The following MELK variants were observed in gnomAD, a reference collection of about 807,000 sequenced individuals.
The protein encoded by MELK is pEg3 kinase.
MELK carries 81 observed loss-of-function variants against 85.0 expected under a neutral mutation model. That is an observed-to-expected ratio of 0.95 (90% CI 0.80 to 1.15). The LOEUF is 1.15. MELK is among the 50% of genes most tolerant of loss of function. MELK has a pLI of 0.00. For missense variants in MELK, 754 were observed against 777.5 expected (o/e 0.97, Z 0.36); for synonymous variants, 252 against 265.0 (o/e 0.95, Z 0.48).
intron 4 of MELK, among the ~76,000 whole-genome samples, chr9:36,590,769 T>C (rs879573504): frequency 2.0e-5 from 3 of 152,326 alleles, no homozygotes; most frequent in Admixed American, 1.3e-4. Flanking sequence ...AGCACTGTTT[T>C]AAAAGCATAT....
chr9:36,610,004 G>A (rs1027532702), intron 8 of MELK, among the ~76,000 whole-genome samples: 3 of 152,090 alleles, frequency 2.0e-5, no homozygotes, highest in Non-Finnish European at 4.4e-5. Flanking sequence ...GAGGAAGTGA[G>A]GTTTGAGCAG....
chr9:36,619,450 T>G (rs1827184540), intron 8 of MELK, among the ~76,000 whole-genome samples: 1 of 152,184 alleles, frequency 6.6e-6, no homozygotes, highest in Non-Finnish European at 1.5e-5. Context: ...CTGTAAACAT[T>G]GAGCCTTCTA....
chr9:36,645,590 G>A (rs1249268337), intron 11 of MELK, among the ~76,000 whole-genome samples: 1 of 152,026 alleles, frequency 6.6e-6, no homozygotes, highest in African/African-American at 2.4e-5. Context: ...TGAGTCCCAG[G>A]GATGAGTAGG....
intron 9 of MELK, 151 bp from the exon 10 acceptor site, chr9:36,632,951 T>G: frequency 3.2e-6 from 2 of 624,902 alleles, no homozygotes; most frequent in Non-Finnish European, 5.5e-6. Flanking sequence ...TTAAAAGAAT[T>G]TCTTCCAAGG....
intron 5 of MELK, 37 bp downstream of exon 5, chr9:36,594,808 G>A: frequency 6.3e-7 from 1 of 1,586,614 alleles, no homozygotes; most frequent in Non-Finnish European, 8.6e-7. Flanking sequence ...CTCACCTTCA[G>A]CGTCATTTAC....
At chr9:36,669,474 A>G in intron 15 of MELK, 68 bp downstream of exon 15, 1 of 1,084,570 alleles carries the variant, frequency 9.2e-7, no homozygotes, top group South Asian at 1.6e-5. Context: ...TTCATGTATT[A>G]ATAGACCTGA....
chr9:36,606,177 GTC>G (rs556188679), intron 7 of MELK, among the ~76,000 whole-genome samples: 11 of 149,780 alleles, frequency 7.3e-5, no homozygotes, highest in African/African-American at 7.3e-5. Flanking sequence ...AATTTCTAGT[GTC>G]TCTCTCTCTC....
At chr9:36,630,479 T>C in intron 9 of MELK, 112 bp downstream of exon 9, 1 of 832,194 alleles carries the variant, frequency 1.2e-6, no homozygotes, top group East Asian at 2.5e-5. Flanking sequence ...CCCACTCATA[T>C]CTACCTTGAA....
At chr9:36,593,559 C>T (rs544218914) in intron 4 of MELK, among the ~76,000 whole-genome samples, 9 of 152,254 alleles carry the variant, frequency 5.9e-5, no homozygotes, top group African/African-American at 1.7e-4. Context: ...TATAAATTAC[C>T]CAGCGTAAGG....
intron 10 of MELK, among the ~76,000 whole-genome samples, chr9:36,635,267 AT>A (rs36030207): frequency 0.046 from 6,756 of 147,440 alleles, 359 homozygotes; most frequent in African/African-American, 0.12. Flanking sequence ...TTTAATTTTA[AT>A]TTTTTTTTTT....
In MELK at chr9:36,658,795, G is replaced by A. The variant is rs1165316387; in HGVS notation, c.1176+1432G>A. On this transcript the variant is annotated intron_variant, in intron 13 of 17. Coordinates refer to ENST00000298048, the MANE Select transcript of MELK (RefSeq NM_014791.4). ...CTGCTCACTGCAACCTCTGCCTCCC[G>A]GGTTCAAGCAATTCTCCTGCCTCAG... is the stretch of plus-strand genomic sequence containing the variant. 2.0e-5 allele frequency among the ~76,000 whole-genome samples: 3 copies of A among 151,908 alleles called. No individual in the cohort carries two copies. The South Asian group carries it at 6.2e-4, about 32-fold the overall frequency.
At position 36,581,749 on chromosome 9, in the gene MELK, A is replaced by ATT; in HGVS notation, c.58+18_58+19dup. 6.5e-7 allele frequency: 1 copy of ATT among 1,538,296 alleles called. No individual in the cohort carries two copies. Among genetic ancestry groups the ATT allele is most frequent in the African/African-American group, 1.4e-5 (1 of 72,666 alleles). Reference sequence around the variant, plus strand: ...GAAACTATTGGGACAGGTAATTGTTATTTTTTTTTGGAGGCAGTGGATAGA... The same window carrying ATT: ...GAAACTATTGGGACAGGTAATTGTTATTTTTTTTTTTGGAGGCAGTGGATAGA... On this transcript the variant is annotated intron_variant, in intron 2 of 17. Transcript: ENST00000298048.
chr9:36,652,111 ACCT>A, intron 12 of MELK, among the ~76,000 whole-genome samples: 1 of 135,922 alleles, frequency 7.4e-6, no homozygotes, highest in East Asian at 2.1e-4. Context: ...CAGTGGCATG[ACCT>A]CAGCTCACTG....
At chr9:36,600,136 C>T (rs1301886565) in intron 7 of MELK, among the ~76,000 whole-genome samples, 1 of 151,890 alleles carries the variant, frequency 6.6e-6, no homozygotes, top group Non-Finnish European at 1.5e-5. Flanking sequence ...CTCTGTCACC[C>T]AGGCTGGAGT....
intron 1 of MELK, among the ~76,000 whole-genome samples, chr9:36,574,806 C>T (rs933373424): frequency 1.3e-5 from 2 of 152,062 alleles, no homozygotes; most frequent in Non-Finnish European, 2.9e-5. Context: ...AACGTCTTCT[C>T]ATTATCCCAA....
intron 11 of MELK, among the ~76,000 whole-genome samples, chr9:36,645,274 A>T (rs1360181944): frequency 6.9e-6 from 1 of 145,198 alleles, no homozygotes; most frequent in Non-Finnish European, 1.5e-5. Context: ...AAAAAAAAAA[A>T]AGTAACATAT....
At chr9:36,589,983 G>A (rs1823370925) in intron 4 of MELK, among the ~76,000 whole-genome samples, 1 of 142,864 alleles carries the variant, frequency 7.0e-6, no homozygotes, top group African/African-American at 2.7e-5. Flanking sequence ...GTGCAGTGAT[G>A]CCATCTCTGC....
rs539841275 is a variant in MELK, at chr9:36,677,208, G to A, written c.1827G>A (p.Met609Ile). The A allele has an allele frequency of 1.2e-6, 2 of 1,613,950 alleles. No individual in the cohort carries two copies. Among genetic ancestry groups the A allele is most frequent in the Non-Finnish European group, 1.7e-6 (2 of 1,179,928 alleles). The change falls in exon 18 of 18, where the codon ATG becomes ATA. Residue 609 changes from methionine (M) to isoleucine (I), a missense_variant. Met to Ile is a conservative substitution (Grantham distance 10). Coordinates refer to ENST00000298048, the MANE Select transcript of MELK (RefSeq NM_014791.4). ...AGTCAGATTTTGGGAAAGTGACAAT[G>A]CAATTTGAATTAGAAGTGTGCCAGC... The part of the protein sequence containing the change: ...QTQSDFGKVT[M>I]QFELEVCQLQ...
chr9:36,579,275 T>C (rs57111527), intron 1 of MELK, among the ~76,000 whole-genome samples: 2,921 of 152,154 alleles, frequency 0.019, 83 homozygotes, highest in African/African-American at 0.063. Context: ...GATCTGCCCG[T>C]CTTGGCCTCC....
Sources: gnomAD v4.1 joint callset for allele counts (sites outside exome capture counted in the v4.1 genomes callset) on GRCh38, gnomAD v4.1.1 for gene constraint, MANE v1.5 for transcripts, NCBI Gene and HGNC (gene_info 2026-07-23, HGNC 2026-07-21) for gene names.